The following KLF15 variants were observed in gnomAD, a reference collection of about 807,000 sequenced individuals.
KLF15 encodes KLF transcription factor 15.
A neutral mutation model predicts 24.6 loss-of-function variants in KLF15; 4 were observed. That is an observed-to-expected ratio of 0.16 (90% CI 0.08 to 0.37). KLF15 has a LOEUF of 0.37. Among genes scored for constraint, KLF15 ranks in the 10% least tolerant of loss-of-function variants. The pLI is 1.00. For synonymous variants in KLF15, 246 were observed against 236.3 expected (o/e 1.04, Z -0.37); for missense variants, 496 against 560.6 (o/e 0.88, Z 1.16).
At chr3:126,320,842 C>T in the KLF15 span, among the ~76,000 whole-genome samples, 1 of 151,954 alleles carries the variant, frequency 6.6e-6, no homozygotes, top group Admixed American at 6.6e-5. Flanking sequence ...TCAAACTACA[C>T]TTCAGGCTGC....
intron 2 of KLF15, among the ~76,000 whole-genome samples, chr3:126,344,507 C>G (rs2082515496): frequency 6.6e-6 from 1 of 152,234 alleles, no homozygotes; most frequent in African/African-American, 2.4e-5. Context: ...GGGCTTCCCT[C>G]CCACAGCCCA....
the KLF15 span, among the ~76,000 whole-genome samples, chr3:126,296,640 C>T: frequency 2.6e-5 from 4 of 152,222 alleles, no homozygotes; most frequent in African/African-American, 7.2e-5. Context: ...CAAGTCCAGC[C>T]GAGTGAATGT....
In KLF15 at chr3:126,352,804, G is replaced by A. The variant is rs776748447; in HGVS notation, c.119C>T (p.Ser40Phe). ...RAYHMLPSPVSEDDSDASSPC... is the reference protein window; with the variant it reads ...RAYHMLPSPVFEDDSDASSPC... ...GCTGGAGGCATCGCTGTCATCTTCA[G>A]AGACGGGTGAGGGCAGCATGTGATA... The change falls in exon 2 of 3, where the codon TCT (serine) becomes TTT (phenylalanine). Residue 40 changes from serine to phenylalanine, a missense_variant. Ser to Phe is a radical substitution (Grantham distance 155). Transcript: ENST00000296233. 25 of 1,595,688 alleles carry A rather than the reference G, an allele frequency of 1.6e-5. No individual in the cohort carries two copies. Among genetic ancestry groups the A allele is most frequent in the Non-Finnish European group, 2.0e-5 (24 of 1,171,178 alleles).
chr3:126,322,348 G>A, the KLF15 span, among the ~76,000 whole-genome samples: 1 of 152,202 alleles, frequency 6.6e-6, no homozygotes, highest in Non-Finnish European at 1.5e-5. Context: ...TCCGTCTCCT[G>A]TGCTTCCCCA....
chr3:126,319,916 A>G, the KLF15 span, among the ~76,000 whole-genome samples: 15 of 152,170 alleles, frequency 9.9e-5, no homozygotes, highest in Admixed American at 3.9e-4. Context: ...GCGACAGCAG[A>G]CCAGGGACAC....
intron 2 of KLF15, among the ~76,000 whole-genome samples, chr3:126,347,491 G>A (rs1366225483): frequency 6.6e-6 from 1 of 152,198 alleles, no homozygotes; most frequent in Non-Finnish European, 1.5e-5. Flanking sequence ...CACATCCACT[G>A]TGGACGACAA....
At chr3:126,315,150 T>G in the KLF15 span, among the ~76,000 whole-genome samples, 17 of 152,302 alleles carry the variant, frequency 1.1e-4, no homozygotes, top group African/African-American at 4.1e-4. Context: ...TTCCCCCATG[T>G]GTGTGTCTGT....
the KLF15 span, among the ~76,000 whole-genome samples, chr3:126,306,944 C>A: frequency 6.6e-6 from 1 of 152,206 alleles, no homozygotes; most frequent in Non-Finnish European, 1.5e-5. Context: ...TTGCTTCAGG[C>A]AAGTTTCTCC....
the KLF15 span, among the ~76,000 whole-genome samples, chr3:126,293,316 A>G: frequency 1.3e-5 from 2 of 152,114 alleles, no homozygotes; most frequent in African/African-American, 4.8e-5. Context: ...GCCCTGTCTC[A>G]AAAAGAAAAG....
At chr3:126,348,252 C>T (rs984222951) in intron 2 of KLF15, among the ~76,000 whole-genome samples, 1 of 152,200 alleles carries the variant, frequency 6.6e-6, no homozygotes, top group Non-Finnish European at 1.5e-5. Flanking sequence ...GGACAACATG[C>T]TGATGCCTAC....
At chr3:126,349,466 G>A (rs949049947) in intron 2 of KLF15, among the ~76,000 whole-genome samples, 1 of 152,182 alleles carries the variant, frequency 6.6e-6, no homozygotes, top group Non-Finnish European at 1.5e-5. Flanking sequence ...AGATGTGTCA[G>A]AGCTGAATCC....
At chr3:126,345,302 G>C (rs1261050902) in intron 2 of KLF15, among the ~76,000 whole-genome samples, 1 of 151,786 alleles carries the variant, frequency 6.6e-6, no homozygotes, top group Admixed American at 6.6e-5. Context: ...CCACTAGACT[G>C]TCAGCTCCAT....
the KLF15 span, among the ~76,000 whole-genome samples, chr3:126,296,254 G>T: frequency 6.6e-6 from 1 of 152,094 alleles, no homozygotes; most frequent in Admixed American, 6.5e-5. Flanking sequence ...TATCGCCCAG[G>T]TGGAGTACAG....
In KLF15 at chr3:126,349,433, C is replaced by T. The variant is rs925511979; in HGVS notation, c.1082+2408G>A. ...CTTCTCTTGCCAAGTGGGTCCTGGG[C>T]AGCACGACCAGTGCCAGGGCTCAGA... On this transcript the variant is annotated intron_variant, in intron 2 of 2. Transcript: ENST00000296233. 2.6e-4 allele frequency among the ~76,000 whole-genome samples: 39 copies of T among 152,264 alleles called. 1 individual carries two copies. The highest frequency in any genetic ancestry group is 9.4e-4 in the African/African-American group (39 of 41,554).
At chr3:126,335,332 A>G in the KLF15 span, among the ~76,000 whole-genome samples, 2 of 138,894 alleles carry the variant, frequency 1.4e-5, no homozygotes, top group African/African-American at 2.7e-5. Context: ...CCACATGATT[A>G]TCTCAATAGA....
Position 126,352,199 on chromosome 3 carries a change from C to T in KLF15, c.724G>A (p.Ala242Thr), listed in dbSNP as rs1352453690. The change falls in exon 2 of 3, where the codon GCC becomes ACC. Residue 242 changes from alanine (A) to threonine (T), a missense_variant. Transcript: ENST00000296233. ...SGTGPASPGQ[A>T]PENVKVAQLL... Reference sequence around the variant, plus strand: ...TGGGCAACCTTGACATTCTCTGGGGCTTGCCCAGGGGAGGCAGGCCCTGTG... The same window carrying T: ...TGGGCAACCTTGACATTCTCTGGGGTTTGCCCAGGGGAGGCAGGCCCTGTG... The T allele has an allele frequency of 5.8e-6, 9 of 1,557,784 alleles. No homozygotes were observed. The Admixed American group carries it at 1.2e-4, about 20-fold the overall frequency.
the KLF15 span, among the ~76,000 whole-genome samples, chr3:126,301,408 G>A: frequency 8.5e-5 from 13 of 152,076 alleles, no homozygotes; most frequent in Non-Finnish European, 1.8e-4. Flanking sequence ...GCAGACCTAG[G>A]AGAGAGCAGA....
the KLF15 span, among the ~76,000 whole-genome samples, chr3:126,313,300 GC>G: frequency 6.6e-6 from 1 of 152,166 alleles, no homozygotes; most frequent in Non-Finnish European, 1.5e-5. Flanking sequence ...CCAACTTCCA[GC>G]CTCTGGAACT....
chr3:126,318,329 T>C, the KLF15 span, among the ~76,000 whole-genome samples: 1 of 152,196 alleles, frequency 6.6e-6, no homozygotes, highest in African/African-American at 2.4e-5. Context: ...CCCTTCCATA[T>C]GCCCAGGGAT....
Sources: gnomAD v4.1 joint callset for allele counts (sites outside exome capture counted in the v4.1 genomes callset) on GRCh38, gnomAD v4.1.1 for gene constraint, MANE v1.5 for transcripts, NCBI Gene and HGNC (gene_info 2026-07-23, HGNC 2026-07-21) for gene names.